ABHD5: variants seen among roughly 807,000 people sequenced by gnomAD.
ABHD5 encodes abhydrolase domain containing 5, lysophosphatidic acid acyltransferase, also known as 1-acylglycerol-3-phosphate O-acyltransferase ABHD5.
Under a neutral mutation model 44.9 loss-of-function variants are expected in ABHD5, and 30 were observed. That is an observed-to-expected ratio of 0.67 (90% CI 0.50 to 0.91). ABHD5 has a LOEUF of 0.91. ABHD5 is among the 40% of genes least tolerant of loss of function. The pLI is 0.00. For missense variants in ABHD5, 399 were observed against 423.4 expected (o/e 0.94, Z 0.50); for synonymous variants, 167 against 147.0 (o/e 1.14, Z -0.99).
intron 1 of ABHD5, 124 bp downstream of exon 1, chr3:43,691,163 C>A: frequency 1.0e-6 from 1 of 973,478 alleles, no homozygotes; most frequent in Non-Finnish European, 1.4e-6. Context: ...GCGGCTTCCT[C>A]GACCCTCCCC....
chr3:43,699,272 C>G lies in ABHD5; in HGVS notation c.48-4C>G, dbSNP rs183345998. 220 of 1,613,482 alleles carry G rather than the reference C, an allele frequency of 1.4e-4. 2 individuals carry two copies. The African/African-American group carries it at 2.5e-3, about 19-fold the overall frequency. Reference sequence around the variant, plus strand: ...TATTTGTTATTTTGTTTTTGGTGCTCTAGGTCAGGATGGCTAACTGGTTGG... The same window carrying G: ...TATTTGTTATTTTGTTTTTGGTGCTGTAGGTCAGGATGGCTAACTGGTTGG... On this transcript the variant is annotated splice_polypyrimidine_tract_variant and splice_region_variant and intron_variant, in intron 1 of 6. Transcript: ENST00000644371.
Position 43,691,038 on chromosome 3 carries a change from A to T in ABHD5, c.46A>T (p.Arg16Trp). 6.4e-7 allele frequency: 1 copy of T among 1,553,600 alleles called. No individual in the cohort carries two copies. The highest frequency in any genetic ancestry group is 8.7e-7 in the Non-Finnish European group (1 of 1,152,130). The change falls in exon 1 of 7, where the codon AGG becomes TGG. Residue 16 changes from arginine to tryptophan, a missense_variant and splice_region_variant. By Grantham distance (101) the Arg-to-Trp change is moderately radical. Transcript: ENST00000644371. ...GGTGGACTCTGCCGACACCGGAGAG[A>T]GGTAAGCGCAGCCGGCAGGGGGCTT... is the stretch of plus-strand genomic sequence containing the variant. Reference protein sequence around the residue: ...EEVDSADTGERSGWLTGWLPT... With the variant: ...EEVDSADTGEWSGWLTGWLPT...
At chr3:43,725,848 GT>G (rs34068036), downstream of ABHD5, among the ~76,000 whole-genome samples, 12,092 of 146,818 alleles carry the variant, frequency 0.082, 649 homozygotes, top group South Asian at 0.22. Context: ...CTGTTTCCTA[GT>G]TTTTTTTTTT....
In ABHD5 at chr3:43,702,443, A is replaced by G. The variant is rs371138384; in HGVS notation, c.362A>G (p.Asp121Gly). ...GGACGAAGTAGTAGACCCAGGTTTG[A>G]CAGTGATGCAGAAGAAGTGGAGAAT... Reference protein sequence around the residue: ...GFGRSSRPRFDSDAEEVENQF... With the variant: ...GFGRSSRPRFGSDAEEVENQF... Residue 121 changes from aspartate to glycine, a missense_variant, in exon 3 of 7, where the codon GAC becomes GGC. By Grantham distance (94) the Asp-to-Gly change is moderately conservative. Transcript: ENST00000644371. 4.3e-6 allele frequency: 7 copies of G among 1,614,218 alleles called. No individual in the cohort carries two copies.
At chr3:43,697,191 A>G (rs2084484104) in intron 1 of ABHD5, among the ~76,000 whole-genome samples, 1 of 152,174 alleles carries the variant, frequency 6.6e-6, no homozygotes, top group African/African-American at 2.4e-5. Flanking sequence ...CTTTGTACAT[A>G]GTAGGTATTC....
At chr3:43,715,318 G>A (rs12152517) in intron 5 of ABHD5, among the ~76,000 whole-genome samples, 4 of 151,916 alleles carry the variant, frequency 2.6e-5, no homozygotes, top group Admixed American at 6.6e-5. Context: ...GTGCCACCAC[G>A]CCCGGCTAAT....
chr3:43,718,497 C>G lies in ABHD5; in HGVS notation c.1015C>G (p.Gln339Glu). The stretch of plus-strand genomic sequence containing the variant: ...TGCAGATCAACCAGAAGAATTCAAC[C>G]AGAAAGTAAAGGAGATCTGCGACAC... The part of the protein sequence containing the change: ...VYADQPEEFN[Q>E]KVKEICDTVD The change falls in exon 7 of 7, where the codon CAG becomes GAG. Residue 339 changes from glutamine (Q) to glutamate (E), a missense_variant. By Grantham distance (29) the Gln-to-Glu change is conservative. Coordinates refer to ENST00000644371, the MANE Select transcript of ABHD5 (RefSeq NM_016006.6). 6.2e-7 allele frequency: 1 copy of G among 1,614,064 alleles called. No individual in the cohort carries two copies.
rs192648005 is a variant in ABHD5, at chr3:43,699,527, C to A, written c.133+166C>A. 9.8e-6 allele frequency: 7 copies of A among 715,396 alleles called. No individual in the cohort carries two copies. In the East Asian group the frequency reaches 2.0e-4, roughly 21 times the overall value. 44.3% of individuals were successfully genotyped at this position (715,396 alleles called of 1,614,324 possible). A position where few individuals can be genotyped will look rare whatever the true frequency, so the allele number is the denominator to read the frequency against. On this transcript the variant is annotated intron_variant, in intron 2 of 6. Coordinates refer to ENST00000644371, the MANE Select transcript of ABHD5 (RefSeq NM_016006.6). ...AAAGTACAGAAATGAATGTCGGGGGCTGGCAGGTAGGAGTTCTAAAACTTT... is the reference window on the plus strand; with the variant it reads ...AAAGTACAGAAATGAATGTCGGGGGATGGCAGGTAGGAGTTCTAAAACTTT...
chr3:43,723,544 G>A (rs1216774834), downstream of ABHD5, among the ~76,000 whole-genome samples: 2 of 152,146 alleles, frequency 1.3e-5, no homozygotes, highest in Non-Finnish European at 2.9e-5. Context: ...CTGTTGTGTT[G>A]CAATAGCAAC....
chr3:43,710,425 T>C (rs551112096), intron 3 of ABHD5, among the ~76,000 whole-genome samples: 1 of 152,326 alleles, frequency 6.6e-6, no homozygotes, highest in Non-Finnish European at 1.5e-5. Context: ...GCTGGTATGC[T>C]GGGGTAGAGA....
At chr3:43,691,276 C>A in intron 1 of ABHD5, 1 of 374,290 alleles carries the variant, frequency 2.7e-6, no homozygotes, top group Non-Finnish European at 4.7e-6. Context: ...GGACTCCGGC[C>A]GCGCCGGGAG....
chr3:43,710,468 T>C (rs994415798), intron 3 of ABHD5, among the ~76,000 whole-genome samples: 7 of 152,212 alleles, frequency 4.6e-5, no homozygotes, highest in Admixed American at 2.6e-4. Context: ...CTGTGTTAAC[T>C]AATGTTATGT....
chr3:43,717,831 C>G lies in ABHD5; in HGVS notation c.934C>G (p.Arg312Gly), dbSNP rs761087968. 1.2e-6 allele frequency: 2 copies of G among 1,614,106 alleles called. No individual in the cohort carries two copies. The highest frequency in any genetic ancestry group is 3.3e-5 in the Admixed American group (2 of 60,006). The stretch of plus-strand genomic sequence containing the variant: ...TTCTGGCACCAGCATCCAGTCCTTA[C>G]GACCACATTCATATGTGAAGACAAT... The part of the protein sequence containing the change: ...GNSGTSIQSL[R>G]PHSYVKTIAI... The change falls in exon 6 of 7, where the codon CGA becomes GGA. Residue 312 changes from arginine to glycine, a missense_variant. Transcript: ENST00000644371.
rs2084441770 is a variant in ABHD5 at position 43,694,254 on chromosome 3, G to A, written c.47+3215G>A. The stretch of plus-strand genomic sequence containing the variant: ...AGCCTGGGCGACAGAGCAAGACTCC[G>A]TCTCAAAAAAAAAAAAAAAAAAAAA... On this transcript the variant is annotated intron_variant, in intron 1 of 6. Transcript: ENST00000644371. 2.7e-5 allele frequency among the ~76,000 whole-genome samples: 3 copies of A among 110,002 alleles called. No homozygotes were observed. In the South Asian group the frequency reaches 9.7e-4, roughly 36 times the overall value. 72.2% of individuals were successfully genotyped at this position (110,002 alleles called of 152,430 possible). A position where few individuals can be genotyped will look rare whatever the true frequency, so the allele number is the denominator to read the frequency against.
At chr3:43,699,196 C>A in intron 1 of ABHD5, 80 bp from the exon 2 acceptor site, 1 of 1,272,798 alleles carries the variant, frequency 7.9e-7, no homozygotes, top group Non-Finnish European at 1.1e-6. Context: ...CCTGTGCTGC[C>A]TTTCTTCTGT....
rs1341614875 is a variant in ABHD5, at chr3:43,721,910, TG to T, written c.*3380del. ...ACAAATGCAAAATAAAATAAAATAATGGAAATACCTTTCTTACCTGTGAGAT... is the reference window on the plus strand; with the variant it reads ...ACAAATGCAAAATAAAATAAAATAATGAAATACCTTTCTTACCTGTGAGAT... On this transcript the variant is annotated 3_prime_UTR_variant, in exon 7 of 7. Coordinates refer to ENST00000644371, the MANE Select transcript of ABHD5 (RefSeq NM_016006.6). The T allele has an allele frequency of 1.3e-5, 2 of 152,106 alleles. No individual in the cohort carries two copies. Among genetic ancestry groups the T allele is most frequent in the Non-Finnish European group, 2.9e-5 (2 of 68,026 alleles). 9.4% of individuals were successfully genotyped at this position (152,106 alleles called of 1,614,324 possible).
intron 3 of ABHD5, among the ~76,000 whole-genome samples, chr3:43,703,643 T>C (rs1345048823): frequency 1.3e-5 from 2 of 152,242 alleles, no homozygotes; most frequent in Non-Finnish European, 2.9e-5. Flanking sequence ...GTTGCCAGTG[T>C]ATTTTTCCAT....
intron 5 of ABHD5, among the ~76,000 whole-genome samples, chr3:43,717,192 CAA>C (rs373935327): frequency 5.7e-5 from 7 of 123,722 alleles, no homozygotes; most frequent in South Asian, 5.9e-4. Context: ...ACAAAAAAAA[CAA>C]AAAAAAAAAA....
chr3:43,717,674 T>C lies in ABHD5; in HGVS notation c.777T>C (p.Gly259=), dbSNP rs745654978. The C allele has an allele frequency of 1.2e-6, 2 of 1,614,204 alleles. No homozygotes were observed. Among genetic ancestry groups the C allele is most frequent in the Non-Finnish European group, 1.7e-6 (2 of 1,180,024 alleles). The change falls in exon 6 of 7, where the codon GGT becomes GGC. Residue 259 remains glycine, a synonymous_variant. Transcript: ENST00000644371. ...IYHCNVQTPS[G]ETAFKNMTIP... is the part of the protein sequence containing the mutation. ...GATTTTCTCCTTGCCGTTAAAGTGGTGAGACAGCTTTCAAGAATATGACTA... is the reference window on the plus strand; with the variant it reads ...GATTTTCTCCTTGCCGTTAAAGTGGCGAGACAGCTTTCAAGAATATGACTA...
Sources: allele counts gnomAD v4.1 joint callset (sites outside exome capture counted in the v4.1 genomes callset), GRCh38; gene constraint gnomAD v4.1.1; transcripts MANE v1.5; gene names NCBI Gene and HGNC (gene_info 2026-07-23, HGNC 2026-07-21).